CPED1: variants seen among roughly 807,000 people sequenced by gnomAD.
The protein encoded by CPED1 is cadherin-like and PC-esterase domain-containing protein 1.
CPED1 carries 114 observed loss-of-function variants against 128.2 expected under a neutral mutation model. The observed-to-expected ratio is 0.89, with a 90% CI of 0.76 to 1.04. The LOEUF (loss-of-function observed/expected upper bound fraction) is 1.04. CPED1 is among the 50% of genes least tolerant of loss of function. The probability of loss-of-function intolerance (pLI) is 0.00; values close to 1 mark genes in which losing one functional copy is unlikely to be tolerated. For synonymous variants in CPED1, 462 were observed against 426.7 expected (o/e 1.08, Z -1.02); for missense variants, 1,211 against 1,207.1 (o/e 1.00, Z -0.05).
chr7:121,193,047 C>T (rs2116535199), intron 16 of CPED1, among the ~76,000 whole-genome samples: 1 of 152,236 alleles, frequency 6.6e-6, no homozygotes, highest in East Asian at 1.9e-4. Context: ...ATATAGAACT[C>T]TTAAGATGGA....
chr7:121,089,257 C>T (rs1425875124), intron 5 of CPED1, among the ~76,000 whole-genome samples: 1 of 152,152 alleles, frequency 6.6e-6, no homozygotes, highest in African/African-American at 2.4e-5. Flanking sequence ...TGGCTCTTGC[C>T]TCTCCAAGGT....
At chr7:121,142,792 A>G (rs1378562529) in intron 16 of CPED1, among the ~76,000 whole-genome samples, 1 of 152,008 alleles carries the variant, frequency 6.6e-6, no homozygotes, top group Non-Finnish European at 1.5e-5. Context: ...ACAGTTCCTC[A>G]TATCATATAC....
intron 16 of CPED1, among the ~76,000 whole-genome samples, chr7:121,167,177 T>C (rs1796549121): frequency 6.6e-6 from 1 of 152,168 alleles, no homozygotes; most frequent in African/African-American, 2.4e-5. Flanking sequence ...TAGATGATTA[T>C]CTCTATGCCC....
chr7:121,176,901 T>G (rs1796796478), intron 16 of CPED1, among the ~76,000 whole-genome samples: 2 of 152,040 alleles, frequency 1.3e-5, no homozygotes, highest in African/African-American at 4.8e-5. Context: ...GAAGCATCTG[T>G]GATAATAGTG....
At position 121,245,581 on chromosome 7, in the gene CPED1, T is replaced by C. The variant is rs755483512; in HGVS notation, c.2310+1243T>C. On this transcript the variant is annotated intron_variant, in intron 18 of 22. Coordinates refer to ENST00000310396, the MANE Select transcript of CPED1 (RefSeq NM_024913.5). Reference sequence around the variant, plus strand: ...ATGAATAAATTAAAAGTGTATTTATTCCTAATTGCAGCTAAGGTAGATATT... The same window carrying C: ...ATGAATAAATTAAAAGTGTATTTATCCCTAATTGCAGCTAAGGTAGATATT... Among the ~76,000 whole-genome samples the C allele has an allele frequency of 2.6e-5, 4 of 152,206 alleles. 1 individual carries two copies. Among genetic ancestry groups the C allele is most frequent in the Non-Finnish European group, 2.9e-5 (2 of 68,038 alleles).
intron 3 of CPED1, among the ~76,000 whole-genome samples, chr7:121,017,957 A>T (rs767577844): frequency 1.3e-5 from 2 of 152,190 alleles, no homozygotes; most frequent in Non-Finnish European, 2.9e-5. Context: ...AGCTTTTAAA[A>T]CATCTAAATC....
chr7:121,013,079 G>T (rs931280095), intron 2 of CPED1, among the ~76,000 whole-genome samples: 2 of 152,148 alleles, frequency 1.3e-5, no homozygotes, highest in Non-Finnish European at 2.9e-5. Context: ...GATACAGTGG[G>T]TTTGCTTGAG....
chr7:121,104,776 G>A (rs1794931811), intron 7 of CPED1, among the ~76,000 whole-genome samples: 1 of 151,810 alleles, frequency 6.6e-6, no homozygotes, highest in African/African-American at 2.4e-5. Context: ...TTGAATCAAA[G>A]GTCATTAAAA....
At chr7:121,151,018 G>A (rs1401775144) in intron 16 of CPED1, among the ~76,000 whole-genome samples, 5 of 152,034 alleles carry the variant, frequency 3.3e-5, no homozygotes, top group South Asian at 2.1e-4. Context: ...TGCCCACCTC[G>A]GCCTCCCAAA....
intron 11 of CPED1, among the ~76,000 whole-genome samples, chr7:121,129,325 ATATATATATACGTATATATATAT>A (rs1795603714): frequency 7.5e-6 from 1 of 133,798 alleles, no homozygotes; most frequent in Admixed American, 7.6e-5. Flanking sequence ...ATATATATAT[ATATATATATACGTATATATATAT>A]ATACATACAT....
At chr7:120,991,175 T>C (rs941108456) in intron 2 of CPED1, among the ~76,000 whole-genome samples, 3 of 152,184 alleles carry the variant, frequency 2.0e-5, no homozygotes, top group Non-Finnish European at 4.4e-5. Flanking sequence ...CAAGGAAAAT[T>C]TTAAACTTTT....
rs553462332 is a variant in CPED1, at chr7:121,053,725, T to G, written c.540+6732T>G. Reference sequence around the variant, plus strand: ...GTGATTTTCTATTTCTCTTATTACTTTCATAATTATTAATTGGAATTCTTC... The same window carrying G: ...GTGATTTTCTATTTCTCTTATTACTGTCATAATTATTAATTGGAATTCTTC... On this transcript the variant is annotated intron_variant, in intron 4 of 22. Coordinates refer to ENST00000310396, the MANE Select transcript of CPED1 (RefSeq NM_024913.5). 5.9e-5 allele frequency among the ~76,000 whole-genome samples: 9 copies of G among 152,358 alleles called. No individual in the cohort carries two copies. In the South Asian group the frequency reaches 1.9e-3, roughly 32 times the overall value.
intron 5 of CPED1, among the ~76,000 whole-genome samples, chr7:121,082,398 G>A (rs1209999255): frequency 1.3e-5 from 2 of 152,036 alleles, no homozygotes; most frequent in African/African-American, 4.8e-5. Context: ...CTTTTTTGAG[G>A]CATTCTGATT....
Position 121,194,022 on chromosome 7 carries a change from CTATA to C in CPED1, c.2056-42668_2056-42665del, listed in dbSNP as rs1231718616. Among the ~76,000 whole-genome samples, 652 of 74,514 alleles carry C rather than the reference CTATA, an allele frequency of 8.8e-3. 19 individuals are homozygous for C. The highest frequency in any genetic ancestry group is 0.017 in the Middle Eastern group (2 of 116). The allele number at this position is 74,514 out of a possible 152,430, so 48.9% of individuals were successfully genotyped here. On this transcript the variant is annotated intron_variant, in intron 16 of 22. Coordinates refer to ENST00000310396, the MANE Select transcript of CPED1 (RefSeq NM_024913.5). The stretch of plus-strand genomic sequence containing the variant: ...TCTCTCTCTCTCTCTCTCTCTCTCT[CTATA>C]TATATATATATATATATATATATTT...
chr7:121,052,766 G>A (rs181637063), intron 4 of CPED1, among the ~76,000 whole-genome samples: 3 of 152,194 alleles, frequency 2.0e-5, no homozygotes, highest in Admixed American at 2.0e-4. Flanking sequence ...CTGTCTCTCA[G>A]GCCTGGAGTG....
chr7:121,257,781 C>T (rs1318747052), intron 18 of CPED1, among the ~76,000 whole-genome samples: 1 of 152,022 alleles, frequency 6.6e-6, no homozygotes, highest in Non-Finnish European at 1.5e-5. Flanking sequence ...AAGTTCTCAT[C>T]CTACCCAGAA....
chr7:121,215,034 A>G (rs1797729135), intron 16 of CPED1, among the ~76,000 whole-genome samples: 1 of 152,034 alleles, frequency 6.6e-6, no homozygotes. Flanking sequence ...TTAATAGTGG[A>G]TGGCAAGCCT....
intron 5 of CPED1, among the ~76,000 whole-genome samples, chr7:121,065,014 C>G (rs1361176187): frequency 6.6e-6 from 1 of 152,140 alleles, no homozygotes; most frequent in African/African-American, 2.4e-5. Context: ...ATAATTAAAA[C>G]TTAGATCTAC....
At chr7:121,062,212 C>G (rs377275901) in intron 4 of CPED1, among the ~76,000 whole-genome samples, 1 of 152,190 alleles carries the variant, frequency 6.6e-6, no homozygotes, top group South Asian at 2.1e-4. Context: ...AGTGCTGATT[C>G]TCTTTCTGAA....
Sources: allele counts gnomAD v4.1 joint callset (sites outside exome capture counted in the v4.1 genomes callset), GRCh38; gene constraint gnomAD v4.1.1; transcripts MANE v1.5; gene names NCBI Gene and HGNC (gene_info 2026-07-23, HGNC 2026-07-21).